ARSG: variants seen among roughly 807,000 people sequenced by gnomAD.
ARSG encodes the protein arylsulfatase G, also known as ASG.
Under a neutral mutation model 50.5 loss-of-function variants are expected in ARSG, and 37 were observed. The observed-to-expected ratio is 0.73, with a 90% CI of 0.56 to 0.96. ARSG has a LOEUF of 0.96. Among genes scored for constraint, ARSG ranks in the 50% least tolerant of loss-of-function variants. ARSG has a pLI of 0.00. For missense variants in ARSG, 629 were observed against 675.3 expected (o/e 0.93, Z 0.76); for synonymous variants, 225 against 254.6 (o/e 0.88, Z 1.11).
intron 11 of ARSG, among the ~76,000 whole-genome samples, chr17:68,402,932 A>T (rs912698788): frequency 6.6e-6 from 1 of 152,236 alleles, no homozygotes; most frequent in African/African-American, 2.4e-5. Flanking sequence ...ACAATTTTTA[A>T]GTAAATGAAA....
chr17:68,351,109 T>C (rs1341062909), intron 4 of ARSG, among the ~76,000 whole-genome samples: 1 of 152,160 alleles, frequency 6.6e-6, no homozygotes, highest in African/African-American at 2.4e-5. Flanking sequence ...TCTTAATCTT[T>C]ATATCTTATT....
Position 68,420,268 on chromosome 17 carries a change from T to C in ARSG, c.1383T>C (p.Asp461=). ...CTCTGATTTTCAACCTGGAAGACGATACCGCAGAAGCTGTGCCCCTAGAAA... is the reference window on the plus strand; with the variant it reads ...CTCTGATTTTCAACCTGGAAGACGACACCGCAGAAGCTGTGCCCCTAGAAA... ...KFPLIFNLED[D]TAEAVPLERG... is the part of the protein sequence containing the mutation. Residue 461 remains aspartate (D), a synonymous_variant, in exon 12 of 12, where the codon GAT becomes GAC. Transcript: ENST00000621439. The C allele has an allele frequency of 6.2e-7, 1 of 1,614,124 alleles. No homozygotes were observed. Among genetic ancestry groups the C allele is most frequent in the Non-Finnish European group, 8.5e-7 (1 of 1,180,020 alleles).
intron 11 of ARSG, among the ~76,000 whole-genome samples, chr17:68,404,536 T>C (rs1198792572): frequency 1.3e-5 from 2 of 152,232 alleles, no homozygotes; most frequent in Non-Finnish European, 2.9e-5. Flanking sequence ...ATAAATCCCA[T>C]TTAGTAATGA....
At chr17:68,416,646 G>T (rs1045342896) in intron 11 of ARSG, among the ~76,000 whole-genome samples, 10 of 152,066 alleles carry the variant, frequency 6.6e-5, no homozygotes, top group African/African-American at 9.7e-5. Context: ...AGCCTTCTTG[G>T]AGGCTTTGTT....
chr17:68,376,834 C>T (rs1396948963), intron 8 of ARSG, among the ~76,000 whole-genome samples: 2 of 151,034 alleles, frequency 1.3e-5, no homozygotes, highest in East Asian at 1.9e-4. Context: ...GTTCAAAGAA[C>T]GCCAAAGTTG....
At chr17:68,351,775 A>C in intron 5 of ARSG, 89 bp downstream of exon 5, 1 of 849,972 alleles carries the variant, frequency 1.2e-6, no homozygotes, top group South Asian at 1.4e-5. Context: ...AAAGATGCAG[A>C]CAGGAAACAG....
rs189331661 is a variant in ARSG, at chr17:68,391,223, G to C, written c.1092-3850G>C. ...GGGGCCCAGGCCTGGGATGACTTTG[G>C]GCTGCATGTGCCAGGGACCGTCTCC... is the stretch of plus-strand genomic sequence containing the variant. On this transcript the variant is annotated intron_variant, in intron 9 of 11. Transcript: ENST00000621439. Among the ~76,000 whole-genome samples the C allele has an allele frequency of 2.8e-3, 419 of 152,148 alleles. 3 individuals are homozygous for C. Among genetic ancestry groups the C allele is most frequent in the African/African-American group, 9.8e-3 (407 of 41,494 alleles).
chr17:68,438,185 G>T, the ARSG span, among the ~76,000 whole-genome samples: 2 of 152,146 alleles, frequency 1.3e-5, no homozygotes, highest in Non-Finnish European at 2.9e-5. Flanking sequence ...CTTATCACTT[G>T]CCATGCATAG....
intron 1 of ARSG, among the ~76,000 whole-genome samples, chr17:68,275,699 T>C (rs1555750625): frequency 6.6e-6 from 1 of 152,112 alleles, no homozygotes; most frequent in African/African-American, 2.4e-5. Flanking sequence ...GAAGTTATCT[T>C]GGCTGGGTGC....
chr17:68,391,570 G>A (rs556557422), intron 9 of ARSG, among the ~76,000 whole-genome samples: 17 of 152,144 alleles, frequency 1.1e-4, no homozygotes, highest in Non-Finnish European at 2.4e-4. Flanking sequence ...TTCCAAAATC[G>A]AACGCAGATC....
At chr17:68,436,307 G>A in the ARSG span, 41 of 1,384,202 alleles carry the variant, frequency 3.0e-5, no homozygotes, top group East Asian at 5.7e-4. Context: ...ACGGCAGGGC[G>A]TCCTTATCTA....
chr17:68,275,065 C>G (rs1273028383), intron 1 of ARSG, among the ~76,000 whole-genome samples: 1 of 152,210 alleles, frequency 6.6e-6, no homozygotes, highest in Non-Finnish European at 1.5e-5. Context: ...CAGGCGTGAG[C>G]CACCGCGCCC....
intron 3 of ARSG, among the ~76,000 whole-genome samples, chr17:68,346,391 C>T (rs374604661): frequency 5.9e-5 from 9 of 152,244 alleles, no homozygotes; most frequent in Middle Eastern, 3.4e-3. Flanking sequence ...TGTGGTTGCC[C>T]GTTAATCTCT....
chr17:68,278,370 G>A (rs1005371741), intron 1 of ARSG: 5 of 1,279,306 alleles, frequency 3.9e-6, no homozygotes, highest in Non-Finnish European at 5.6e-6. Context: ...GCAATAGCAT[G>A]AGGATCGATG....
At chr17:68,356,645 A>G (rs145702788) in intron 5 of ARSG, 22 bp from the exon 6 acceptor site, 17 of 1,614,050 alleles carry the variant, frequency 1.1e-5, no homozygotes, top group Middle Eastern at 3.3e-4. Context: ...TGAATACTCT[A>G]TGGTCTGTGG....
intron 2 of ARSG, among the ~76,000 whole-genome samples, chr17:68,309,997 G>A (rs1303771828): frequency 6.8e-6 from 1 of 147,362 alleles, no homozygotes; most frequent in Non-Finnish European, 1.5e-5. Flanking sequence ...TTTTGAGATG[G>A]AGTTCCGCTC....
intron 2 of ARSG, among the ~76,000 whole-genome samples, chr17:68,341,215 T>G (rs2078252835): frequency 6.6e-6 from 1 of 152,224 alleles, no homozygotes; most frequent in Non-Finnish European, 1.5e-5. Context: ...ATATTACTGT[T>G]TATTATATGA....
At chr17:68,323,479 G>T (rs1599719957) in intron 2 of ARSG, among the ~76,000 whole-genome samples, 1 of 151,972 alleles carries the variant, frequency 6.6e-6, no homozygotes, top group South Asian at 2.1e-4. Context: ...TGAACTCCTG[G>T]GCTCAAGCAG....
chr17:68,414,040 G>A (rs1176277575), intron 11 of ARSG: 1 of 155,752 alleles, frequency 6.4e-6, no homozygotes, highest in African/African-American at 2.4e-5. Context: ...GATGAACCCG[G>A]TACCTCAGAT....
Sources: gnomAD v4.1 joint callset for allele counts (sites outside exome capture counted in the v4.1 genomes callset) on GRCh38, gnomAD v4.1.1 for gene constraint, MANE v1.5 for transcripts, NCBI Gene and HGNC (gene_info 2026-07-23, HGNC 2026-07-21) for gene names.